NKAIN3: variants seen among roughly 807,000 people sequenced by gnomAD.
NKAIN3 encodes the protein sodium/potassium transporting ATPase interacting 3.
NKAIN3 carries 25 observed loss-of-function variants against 30.2 expected under a neutral mutation model. The observed-to-expected ratio is 0.83, with a 90% CI of 0.60 to 1.16. NKAIN3 has a LOEUF of 1.16. Ranked by LOEUF, NKAIN3 falls within the 50% of genes most tolerant of loss-of-function variation. The pLI, the probability that NKAIN3 is intolerant of heterozygous loss-of-function variation, is 0.00. For missense variants in NKAIN3, 225 were observed against 254.1 expected (o/e 0.89, Z 0.78); for synonymous variants, 91 against 89.6 (o/e 1.02, Z -0.09).
At chr8:62,998,604 A>G (rs575773573) in intron 5 of NKAIN3, among the ~76,000 whole-genome samples, 6 of 152,228 alleles carry the variant, frequency 3.9e-5, no homozygotes, top group African/African-American at 1.2e-4. Context: ...CTTGCACTAT[A>G]CAACTGCTGA....
At chr8:62,434,582 G>T (rs778714841) in intron 1 of NKAIN3, among the ~76,000 whole-genome samples, 1 of 152,082 alleles carries the variant, frequency 6.6e-6, no homozygotes, top group Non-Finnish European at 1.5e-5. Flanking sequence ...TCTCTTCCAA[G>T]TATCTGTCCC....
chr8:62,473,168 C>T (rs1368836188), intron 1 of NKAIN3: 1 of 152,198 alleles, frequency 6.6e-6, no homozygotes, highest in African/African-American at 2.4e-5. Context: ...CATCTTCCTG[C>T]TGTCAGAGCA....
At position 62,249,136 on chromosome 8, in the gene NKAIN3, C is replaced by G. The variant is rs753096500; in HGVS notation, c.54+9C>G. ...TCTGCGCGCTGCAGTTGGTGAGTGCCCCGAGGGCCCCTGCCCCAGGACAGG... is the reference window on the plus strand; with the variant it reads ...TCTGCGCGCTGCAGTTGGTGAGTGCGCCGAGGGCCCCTGCCCCAGGACAGG... On this transcript the variant is annotated intron_variant, in intron 1 of 6. Coordinates refer to ENST00000623646, the MANE Select transcript of NKAIN3 (RefSeq NM_001304533.3). The G allele has an allele frequency of 9.1e-6, 14 of 1,532,114 alleles. No homozygotes were observed. In the South Asian group the frequency reaches 1.7e-4, roughly 18 times the overall value. The allele number at this position is 1,532,114 out of a possible 1,614,324, so 94.9% of individuals were successfully genotyped here. A position where few individuals can be genotyped will look rare whatever the true frequency, so the allele number is the denominator to read the frequency against.
At position 62,345,592 on chromosome 8, in the gene NKAIN3, C is replaced by CAT. The variant is rs1288099166; in HGVS notation, c.54+96471_54+96472dup. Among the ~76,000 whole-genome samples, 8 of 124,606 alleles carry CAT rather than the reference C, an allele frequency of 6.4e-5. No homozygotes were observed. In the South Asian group the frequency reaches 1.1e-3, roughly 16 times the overall value. 81.7% of individuals were successfully genotyped at this position (124,606 alleles called of 152,430 possible). On this transcript the variant is annotated intron_variant, in intron 1 of 6. Coordinates refer to ENST00000623646, the MANE Select transcript of NKAIN3 (RefSeq NM_001304533.3). ...ATATACACATATATGTATATACACACATATATACACATATATGTATATACA... is the reference window on the plus strand; with the variant it reads ...ATATACACATATATGTATATACACACATATATATACACATATATGTATATACA...
At chr8:62,730,017 C>T (rs1380040185) in intron 3 of NKAIN3, among the ~76,000 whole-genome samples, 2 of 152,142 alleles carry the variant, frequency 1.3e-5, no homozygotes, top group East Asian at 3.8e-4. Flanking sequence ...AACAACATGC[C>T]ACGTTTGGAC....
intron 1 of NKAIN3, among the ~76,000 whole-genome samples, chr8:62,327,245 A>G (rs1209242482): frequency 8.6e-5 from 13 of 152,036 alleles, no homozygotes; most frequent in Admixed American, 8.5e-4. Flanking sequence ...ATTTGTAAAT[A>G]CTTTGTCCCA....
At chr8:62,909,424 A>G (rs1385865505) in intron 4 of NKAIN3, among the ~76,000 whole-genome samples, 1 of 152,226 alleles carries the variant, frequency 6.6e-6, no homozygotes, top group Non-Finnish European at 1.5e-5. Flanking sequence ...TGTCTTTAAA[A>G]TGAATGACTC....
At chr8:62,815,430 T>C (rs1193222432) in intron 4 of NKAIN3, among the ~76,000 whole-genome samples, 1 of 152,138 alleles carries the variant, frequency 6.6e-6, no homozygotes, top group Non-Finnish European at 1.5e-5. Context: ...AAGAGAATTT[T>C]AGACCAATAT....
At chr8:62,766,880 T>G in intron 4 of NKAIN3, among the ~76,000 whole-genome samples, 1 of 152,140 alleles carries the variant, frequency 6.6e-6, no homozygotes, top group South Asian at 2.1e-4. Flanking sequence ...TTGAGCAGGT[T>G]CCCTTGGGGA....
chr8:62,718,763 A>T (rs1221939569), intron 3 of NKAIN3, among the ~76,000 whole-genome samples: 6 of 149,656 alleles, frequency 4.0e-5, no homozygotes, highest in African/African-American at 1.2e-4. Context: ...GTACTTCCTC[A>T]CTCTAAGATA....
intron 2 of NKAIN3, among the ~76,000 whole-genome samples, chr8:62,580,401 A>G (rs1035350906): frequency 6.6e-5 from 10 of 152,200 alleles, no homozygotes; most frequent in African/African-American, 2.2e-4. Flanking sequence ...GAAGGTTGTG[A>G]GAAATAATAA....
chr8:62,950,944 C>CTTTTTTTTTTTTT (rs71559384), intron 5 of NKAIN3, among the ~76,000 whole-genome samples: 7 of 100,674 alleles, frequency 7.0e-5, no homozygotes, highest in South Asian at 3.9e-4. Context: ...AAACAGAATC[C>CTTTTTTTTTTTTT]TTTTTTTTTT....
rs912135599 is a variant in NKAIN3, at chr8:62,972,026, C to G, written c.*6619C>G. On this transcript the variant is annotated 3_prime_UTR_variant, in exon 7 of 7. Coordinates refer to ENST00000623646, the MANE Select transcript of NKAIN3 (RefSeq NM_001304533.3). ...AACATTTTGCTTGGTCCTCATTGTG[C>G]TGCCACAATAAATTAATTCTTCTAT... is the stretch of plus-strand genomic sequence containing the variant. 6.6e-6 allele frequency among the ~76,000 whole-genome samples: 1 copy of G among 152,146 alleles called. No homozygotes were observed. The highest frequency in any genetic ancestry group is 2.4e-5 in the African/African-American group (1 of 41,430).
intron 4 of NKAIN3, among the ~76,000 whole-genome samples, chr8:62,900,849 A>G (rs1821592739): frequency 6.6e-6 from 1 of 152,094 alleles, no homozygotes. Context: ...ACAAAGATGG[A>G]CTCTTGACCA....
intron 1 of NKAIN3, among the ~76,000 whole-genome samples, chr8:62,388,701 CT>C (rs1295319310): frequency 6.6e-6 from 1 of 152,200 alleles, no homozygotes; most frequent in Non-Finnish European, 1.5e-5. Context: ...AGACATCAGA[CT>C]GAGATTACAT....
At chr8:62,560,038 A>G (rs1281084449) in intron 1 of NKAIN3, among the ~76,000 whole-genome samples, 1 of 152,156 alleles carries the variant, frequency 6.6e-6, no homozygotes, top group African/African-American at 2.4e-5. Context: ...TGCAGAATAT[A>G]GGATACTTGG....
At chr8:62,818,314 A>T (rs1818747543) in intron 4 of NKAIN3, among the ~76,000 whole-genome samples, 1 of 152,172 alleles carries the variant, frequency 6.6e-6, no homozygotes, top group Non-Finnish European at 1.5e-5. Context: ...ATTATTTCAA[A>T]AGAAAAAGTT....
chr8:62,802,920 A>T (rs1367727308), intron 4 of NKAIN3, among the ~76,000 whole-genome samples: 2 of 152,224 alleles, frequency 1.3e-5, no homozygotes, highest in Admixed American at 1.3e-4. Flanking sequence ...ATGGAGGAAG[A>T]TCTACCAAGT....
At chr8:62,623,680 T>C (rs1303736521) in intron 3 of NKAIN3, among the ~76,000 whole-genome samples, 2 of 152,068 alleles carry the variant, frequency 1.3e-5, no homozygotes, top group East Asian at 1.9e-4. Context: ...CCACAACTTC[T>C]CTGAATTTTT....
Sources: gnomAD v4.1 joint callset for allele counts (sites outside exome capture counted in the v4.1 genomes callset) on GRCh38, gnomAD v4.1.1 for gene constraint, MANE v1.5 for transcripts, NCBI Gene and HGNC (gene_info 2026-07-23, HGNC 2026-07-21) for gene names.